NRXN3: variants seen among roughly 807,000 people sequenced by gnomAD.
The protein encoded by NRXN3 is neurexin 3.
A neutral mutation model predicts 137.6 loss-of-function variants in NRXN3; 32 were observed. The ratio of observed to expected loss-of-function variants is 0.23; its 90% CI spans 0.18 to 0.31. The LOEUF (loss-of-function observed/expected upper bound fraction) is 0.31, where lower values mean the gene tolerates loss of function less well. NRXN3 is among the 10% of genes least tolerant of loss of function. The pLI is 1.00. For missense variants in NRXN3, 1,574 were observed against 2,062.5 expected, an observed-to-expected ratio of 0.76 and a Z score of 4.59; for synonymous variants, 798 against 784.5, an observed-to-expected ratio of 1.02 and a Z score of -0.29.
chr14:79,203,532 G>A (rs1362131945), intron 15 of NRXN3, among the ~76,000 whole-genome samples: 1 of 152,144 alleles, frequency 6.6e-6, no homozygotes, highest in East Asian at 1.9e-4. Context: ...TTCTGTCCTA[G>A]TTACAATGTT....
intron 4 of NRXN3, among the ~76,000 whole-genome samples, chr14:78,546,226 C>T (rs995475230): frequency 6.6e-6 from 1 of 152,146 alleles, no homozygotes; most frequent in African/African-American, 2.4e-5. Context: ...GATAGTGATA[C>T]GAATTATTGC....
At position 79,727,746 on chromosome 14, in the gene NRXN3, C is replaced by T. The variant is rs529869535; in HGVS notation, c.4014+29809C>T. Among the ~76,000 whole-genome samples, 40 of 152,200 alleles carry T rather than the reference C, an allele frequency of 2.6e-4. 1 individual carries two copies. In the South Asian group the frequency reaches 7.9e-3, roughly 30 times the overall value. On this transcript the variant is annotated intron_variant, in intron 19 of 20. Coordinates refer to ENST00000335750, the MANE Select transcript of NRXN3 (RefSeq NM_001330195.2). ...TTGTTGCTTTATGGCAATAAATAAA[C>T]GAACCCCCATTGTGCAAATATTATG...
chr14:78,203,603 A>G (rs906689486), intron 1 of NRXN3, among the ~76,000 whole-genome samples: 2 of 152,208 alleles, frequency 1.3e-5, no homozygotes, highest in African/African-American at 4.8e-5. Context: ...CGGAAACCTC[A>G]GTTAGTGTTG....
chr14:78,426,317 G>A (rs953850841), intron 4 of NRXN3, among the ~76,000 whole-genome samples: 9 of 152,172 alleles, frequency 5.9e-5, no homozygotes, highest in African/African-American at 1.9e-4. Flanking sequence ...CCAGGGGCAC[G>A]TGAGGTACAG....
intron 15 of NRXN3, among the ~76,000 whole-genome samples, chr14:79,120,397 A>G (rs1480583816): frequency 6.6e-6 from 1 of 150,808 alleles, no homozygotes; most frequent in Non-Finnish European, 1.5e-5. Context: ...AGAAGTGTGA[A>G]CTCCTCATGA....
At chr14:78,723,323 C>T (rs575458048) in intron 8 of NRXN3, among the ~76,000 whole-genome samples, 40 of 152,180 alleles carry the variant, frequency 2.6e-4, no homozygotes, top group Admixed American at 1.3e-3. Context: ...GTCGAGTTTT[C>T]GAACATATCT....
At chr14:78,681,064 G>T (rs2098070109) in intron 6 of NRXN3, among the ~76,000 whole-genome samples, 1 of 152,194 alleles carries the variant, frequency 6.6e-6, no homozygotes, top group African/African-American at 2.4e-5. Context: ...GCAGCAAGCA[G>T]CTGATAGAGA....
At chr14:78,745,536 T>C (rs2098603111) in intron 8 of NRXN3, among the ~76,000 whole-genome samples, 1 of 152,274 alleles carries the variant, frequency 6.6e-6, no homozygotes, top group Non-Finnish European at 1.5e-5. Context: ...CTTTGCGTAC[T>C]AATTTATAGC....
intron 15 of NRXN3, among the ~76,000 whole-genome samples, chr14:79,292,110 C>G (rs2083300962): frequency 6.6e-6 from 1 of 152,140 alleles, no homozygotes; most frequent in Non-Finnish European, 1.5e-5. Context: ...ACTCTTAGGT[C>G]AGGTAATCTG....
intron 15 of NRXN3, among the ~76,000 whole-genome samples, chr14:79,170,430 G>A (rs2061669566): frequency 6.6e-6 from 1 of 152,104 alleles, no homozygotes; most frequent in African/African-American, 2.4e-5. Context: ...TCAGATGGGT[G>A]CTATCCACAG....
At chr14:79,408,744 A>T (rs2095360049) in intron 15 of NRXN3, among the ~76,000 whole-genome samples, 1 of 151,940 alleles carries the variant, frequency 6.6e-6, no homozygotes, top group Non-Finnish European at 1.5e-5. Flanking sequence ...AAGAGCACAT[A>T]TTTCCAGGCT....
chr14:79,526,923 C>T (rs1696495719), intron 16 of NRXN3, among the ~76,000 whole-genome samples: 1 of 152,106 alleles, frequency 6.6e-6, no homozygotes, highest in Non-Finnish European at 1.5e-5. Context: ...CAGTTTAAGA[C>T]AGCAAAACAT....
At chr14:78,394,504 T>C (rs1298489506) in intron 4 of NRXN3, among the ~76,000 whole-genome samples, 1 of 151,924 alleles carries the variant, frequency 6.6e-6, no homozygotes, top group African/African-American at 2.4e-5. Context: ...TTTGTGTCTA[T>C]ATTTATAAAG....
At chr14:78,184,196 G>T (rs544915358) in intron 1 of NRXN3, among the ~76,000 whole-genome samples, 1 of 152,202 alleles carries the variant, frequency 6.6e-6, no homozygotes, top group Non-Finnish European at 1.5e-5. Context: ...GCAATCCAGG[G>T]TGTGTTATTT....
rs140279232 is a variant in NRXN3 at position 79,159,058 on chromosome 14, G to C, written c.3262+170917G>C. Among the ~76,000 whole-genome samples the C allele has an allele frequency of 5.3e-4, 81 of 151,962 alleles. 1 individual carries two copies. Among genetic ancestry groups the C allele is most frequent in the African/African-American group, 1.9e-3 (80 of 41,508 alleles). On this transcript the variant is annotated intron_variant, in intron 15 of 20. Transcript: ENST00000335750. ...GTGTTTTTGTTTGTGGTTTGCAAAA[G>C]CTTTGGCTTTCTCAAAATACTCTCA...
At chr14:78,726,515 CTT>C (rs71452901) in intron 8 of NRXN3, among the ~76,000 whole-genome samples, 86 of 102,456 alleles carry the variant, frequency 8.4e-4, no homozygotes, top group African/African-American at 1.4e-3. Flanking sequence ...ACCATTTTAG[CTT>C]TTTTTTTTTT....
At chr14:78,345,397 T>C (rs1437978548) in intron 4 of NRXN3, among the ~76,000 whole-genome samples, 2 of 152,214 alleles carry the variant, frequency 1.3e-5, no homozygotes, top group Non-Finnish European at 2.9e-5. Flanking sequence ...CAGGGAATGC[T>C]AAGTCTTACG....
intron 4 of NRXN3, among the ~76,000 whole-genome samples, chr14:78,621,155 G>T (rs1226589715): frequency 6.6e-6 from 1 of 152,116 alleles, no homozygotes; most frequent in East Asian, 1.9e-4. Flanking sequence ...AGCATTGAGG[G>T]ATATTTTGAT....
At chr14:79,700,264 T>C (rs2098750030) in intron 19 of NRXN3, among the ~76,000 whole-genome samples, 1 of 151,994 alleles carries the variant, frequency 6.6e-6, no homozygotes, top group Non-Finnish European at 1.5e-5. Flanking sequence ...CCACTACTTT[T>C]CTTAGATGAG....
Sources: gnomAD v4.1 joint callset for allele counts (sites outside exome capture counted in the v4.1 genomes callset) on GRCh38, gnomAD v4.1.1 for gene constraint, MANE v1.5 for transcripts, NCBI Gene and HGNC (gene_info 2026-07-23, HGNC 2026-07-21) for gene names.